The following PLEK variants were observed in gnomAD, a reference collection of about 807,000 sequenced individuals.
PLEK encodes platelet 47 kDa protein.
PLEK carries 25 observed loss-of-function variants against 43.9 expected under a neutral mutation model. The ratio of observed to expected loss-of-function variants is 0.57; its 90% CI spans 0.41 to 0.79. PLEK has a LOEUF of 0.79. PLEK is among the 30% of genes least tolerant of loss of function. The pLI is 0.00. For synonymous variants in PLEK, 152 were observed against 144.4 expected, an observed-to-expected ratio of 1.05 and a Z score of -0.38; for missense variants, 396 against 413.3, an observed-to-expected ratio of 0.96 and a Z score of 0.36.
Position 68,395,899 on chromosome 2 carries a change from T to C in PLEK, c.*83T>C, listed in dbSNP as rs1329814861. The C allele has an allele frequency of 6.2e-6, 8 of 1,289,556 alleles. No individual in the cohort carries two copies. The Admixed American group carries it at 1.6e-4, about 25-fold the overall frequency. The allele number at this position is 1,289,556 out of a possible 1,614,324, so 79.9% of individuals were successfully genotyped here. ...AGGACCTGTCCACTTCTGTGACAAA[T>C]CAACGGGAAACAGCCCAGGGGTGGG... On this transcript the variant is annotated 3_prime_UTR_variant, in exon 9 of 9. Transcript: ENST00000234313.
rs1673597196 is a variant in PLEK, at chr2:68,380,764, C to A, written c.240C>A (p.Phe80Leu). Residue 80 changes from phenylalanine to leucine, a missense_variant, in exon 3 of 9, where the codon TTC becomes TTA. Transcript: ENST00000234313. ...CTACGACCAAACAGCAGGACCACTT[C>A]TTCCAGGCAGCCTTCCTGGAGGAGA... ...KITTTKQQDH[F>L]FQAAFLEERD... The A allele has an allele frequency of 1.9e-6, 3 of 1,614,058 alleles. No homozygotes were observed. Among genetic ancestry groups the A allele is most frequent in the Non-Finnish European group, 2.5e-6 (3 of 1,179,920 alleles).
At chr2:68,395,440 C>G (rs565490815) in intron 8 of PLEK, among the ~76,000 whole-genome samples, 1 of 151,958 alleles carries the variant, frequency 6.6e-6, no homozygotes, top group Non-Finnish European at 1.5e-5. Context: ...AGTGTTTTAC[C>G]TATTTCTTAA....
At chr2:68,374,526 TG>T (rs1673467069) in intron 1 of PLEK, among the ~76,000 whole-genome samples, 1 of 152,226 alleles carries the variant, frequency 6.6e-6, no homozygotes, top group Non-Finnish European at 1.5e-5. Context: ...TTAACAACTT[TG>T]TTTTTTAATT....
At chr2:68,382,470 G>A in intron 3 of PLEK, 72 bp from the exon 4 acceptor site, 1 of 869,028 alleles carries the variant, frequency 1.2e-6, no homozygotes, top group Non-Finnish European at 1.9e-6. Context: ...TTACCATTCT[G>A]AAATGTTCCC....
chr2:68,382,333 G>A (rs1489663355), intron 3 of PLEK, among the ~76,000 whole-genome samples: 3 of 152,208 alleles, frequency 2.0e-5, no homozygotes, highest in African/African-American at 2.4e-5. Flanking sequence ...ATTGCTAAAC[G>A]CTGTGCAGGC....
intron 1 of PLEK, among the ~76,000 whole-genome samples, chr2:68,371,309 C>T (rs1478989972): frequency 6.6e-6 from 1 of 152,168 alleles, no homozygotes; most frequent in African/African-American, 2.4e-5. Context: ...TCCAGGCATT[C>T]ACACCTGCTC....
chr2:68,394,308 C>T (rs576062376), intron 8 of PLEK, 132 bp downstream of exon 8: 5 of 687,118 alleles, frequency 7.3e-6, no homozygotes, highest in Middle Eastern at 3.0e-4. Context: ...ATGGTGGCTC[C>T]CACCTGTAAT....
intron 1 of PLEK, among the ~76,000 whole-genome samples, chr2:68,378,521 T>G (rs1233216087): frequency 6.6e-6 from 1 of 152,184 alleles, no homozygotes; most frequent in Admixed American, 6.5e-5. Context: ...CATTCATTAC[T>G]CCACATGGCA....
At chr2:68,368,655 G>C (rs1673329988) in intron 1 of PLEK, among the ~76,000 whole-genome samples, 1 of 152,210 alleles carries the variant, frequency 6.6e-6, no homozygotes, top group Non-Finnish European at 1.5e-5. Flanking sequence ...ATGTTTGGAA[G>C]GTACTCGAAT....
chr2:68,386,760 A>G, intron 5 of PLEK, 74 bp downstream of exon 5: 3 of 1,138,676 alleles, frequency 2.6e-6, no homozygotes, highest in Non-Finnish European at 3.9e-6. Flanking sequence ...ATTTCAGTTC[A>G]TAGACATCTA....
chr2:68,395,305 T>G (rs951461908), intron 8 of PLEK, among the ~76,000 whole-genome samples: 2 of 151,730 alleles, frequency 1.3e-5, no homozygotes, highest in Non-Finnish European at 2.9e-5. Flanking sequence ...ACCCTTGATT[T>G]ATATTATGAG....
At chr2:68,385,314 C>A (rs1377749838) in intron 4 of PLEK, among the ~76,000 whole-genome samples, 1 of 152,086 alleles carries the variant, frequency 6.6e-6, no homozygotes, top group Non-Finnish European at 1.5e-5. Context: ...GCTAATAATC[C>A]AATGTATGGG....
intron 1 of PLEK, among the ~76,000 whole-genome samples, chr2:68,376,135 T>C (rs984054291): frequency 1.3e-5 from 2 of 152,160 alleles, no homozygotes; most frequent in African/African-American, 4.8e-5. Context: ...GCTTTGTCTA[T>C]GGGAGACACG....
At chr2:68,393,722 C>T (rs1374880907) in intron 7 of PLEK, among the ~76,000 whole-genome samples, 2 of 152,208 alleles carry the variant, frequency 1.3e-5, no homozygotes, top group Non-Finnish European at 2.9e-5. Context: ...CCTCCGCTTG[C>T]AGCACTGGGC....
chr2:68,395,558 G>T, intron 8 of PLEK, 122 bp from the exon 9 acceptor site: 1 of 976,314 alleles, frequency 1.0e-6, no homozygotes, highest in Non-Finnish European at 1.6e-6. Context: ...ATGTTTGAAA[G>T]CCACATAGTC....
intron 4 of PLEK, among the ~76,000 whole-genome samples, chr2:68,385,987 T>C (rs561135832): frequency 6.3e-4 from 96 of 152,348 alleles, no homozygotes; most frequent in African/African-American, 2.3e-3. Context: ...ATCAATGGGA[T>C]AAGTGAGTGG....
chr2:68,380,297 T>A (rs1240357324), intron 1 of PLEK, 31 bp from the exon 2 acceptor site: 6 of 1,580,428 alleles, frequency 3.8e-6, no homozygotes, highest in Non-Finnish European at 5.2e-6. Context: ...AAGAGCCCTG[T>A]CCATCTCAGC....
At position 68,370,170 on chromosome 2, in the gene PLEK, C is replaced by T. The variant is rs555707784; in HGVS notation, c.42+4777C>T. ...TCTGCTTTAGATATGCAGTTTTGAT[C>T]ACAGTGTAATTTTCCTTTGAATTCC... On this transcript the variant is annotated intron_variant, in intron 1 of 8. Transcript: ENST00000234313. Among the ~76,000 whole-genome samples the T allele has an allele frequency of 2.6e-5, 4 of 152,320 alleles. 1 individual carries two copies. The highest frequency in any genetic ancestry group is 2.0e-4 in the Admixed American group (3 of 15,290).
chr2:68,387,297 AT>A (rs1284319303), intron 5 of PLEK, among the ~76,000 whole-genome samples: 2 of 152,296 alleles, frequency 1.3e-5, no homozygotes, highest in African/African-American at 4.8e-5. Context: ...GCAATAATTC[AT>A]TTATAAAACT....
Sources: gnomAD v4.1 joint callset for allele counts (sites outside exome capture counted in the v4.1 genomes callset) on GRCh38, gnomAD v4.1.1 for gene constraint, MANE v1.5 for transcripts, NCBI Gene and HGNC (gene_info 2026-07-23, HGNC 2026-07-21) for gene names.